The following VAPA variants were observed in gnomAD, a reference collection of about 807,000 sequenced individuals.
VAPA encodes the protein VAMP associated protein A.
A neutral mutation model predicts 25.6 loss-of-function variants in VAPA; 6 were observed. The ratio of observed to expected loss-of-function variants is 0.23; its 90% CI spans 0.13 to 0.46. The LOEUF (loss-of-function observed/expected upper bound fraction) is 0.46, where lower values mean the gene tolerates loss of function less well. Among genes scored for constraint, VAPA ranks in the 20% least tolerant of loss-of-function variants. The pLI is 0.99. For synonymous variants in VAPA, 112 were observed against 106.2 expected (o/e 1.05, Z -0.34); for missense variants, 244 against 302.1 (o/e 0.81, Z 1.43).
chr18:9,950,628 T>TA, intron 5 of VAPA, 60 bp downstream of exon 5: 1 of 1,547,816 alleles, frequency 6.5e-7, no homozygotes, highest in African/African-American at 1.4e-5. Flanking sequence ...ATGTGAGTGT[T>TA]ATTAGGCCAT....
chr18:9,945,450 C>T (rs2069413306), intron 4 of VAPA, among the ~76,000 whole-genome samples: 1 of 147,976 alleles, frequency 6.8e-6, no homozygotes, highest in Admixed American at 7.0e-5. Flanking sequence ...ACCTCTGCCT[C>T]CCCGGTTCAA....
intron 1 of VAPA, among the ~76,000 whole-genome samples, chr18:9,919,759 T>C (rs2069141342): frequency 6.6e-6 from 1 of 152,228 alleles, no homozygotes; most frequent in South Asian, 2.1e-4. Flanking sequence ...GTTTTTATCC[T>C]GAGCCACTAG....
intron 4 of VAPA, among the ~76,000 whole-genome samples, chr18:9,939,904 T>C (rs1320876803): frequency 2.6e-5 from 4 of 152,216 alleles, no homozygotes; most frequent in Non-Finnish European, 5.9e-5. Context: ...CAGTATGACC[T>C]AGGTCTGTTA....
intron 1 of VAPA, among the ~76,000 whole-genome samples, chr18:9,930,674 C>T (rs984146632): frequency 8.7e-4 from 131 of 150,944 alleles, no homozygotes; most frequent in African/African-American, 3.1e-3. Flanking sequence ...GAAGATCATA[C>T]TTTGTCATAT....
At chr18:9,950,298 T>C in intron 4 of VAPA, 97 bp from the exon 5 acceptor site, 1 of 1,387,364 alleles carries the variant, frequency 7.2e-7, no homozygotes, top group Non-Finnish European at 9.9e-7. Context: ...TTAAAGAGTT[T>C]TTCATGAACA....
chr18:9,944,857 C>T, intron 4 of VAPA: 1 of 1,554,464 alleles, frequency 6.4e-7, no homozygotes, highest in East Asian at 2.3e-5. Flanking sequence ...TCAGTCATTC[C>T]CAATATCATG....
intron 1 of VAPA, among the ~76,000 whole-genome samples, chr18:9,928,072 T>G (rs1264778374): frequency 6.6e-6 from 1 of 152,122 alleles, no homozygotes; most frequent in Non-Finnish European, 1.5e-5. Flanking sequence ...TATCAATACT[T>G]TTGATTAAAA....
intron 1 of VAPA, among the ~76,000 whole-genome samples, chr18:9,915,515 T>C (rs1428689482): frequency 1.3e-5 from 2 of 152,204 alleles, no homozygotes; most frequent in African/African-American, 4.8e-5. Flanking sequence ...TTCCTATCTT[T>C]AGTTAAGTGT....
chr18:9,921,520 A>T (rs955473376), intron 1 of VAPA, among the ~76,000 whole-genome samples: 1 of 152,228 alleles, frequency 6.6e-6, no homozygotes, highest in African/African-American at 2.4e-5. Context: ...TGTATATTTG[A>T]GGTATACATA....
At chr18:9,920,598 T>G (rs998084192) in intron 1 of VAPA, among the ~76,000 whole-genome samples, 1 of 152,218 alleles carries the variant, frequency 6.6e-6, no homozygotes, top group Non-Finnish European at 1.5e-5. Context: ...GTGCCCAGCC[T>G]CCTTTATTGT....
intron 4 of VAPA, among the ~76,000 whole-genome samples, chr18:9,938,545 A>G (rs919854932): frequency 2.0e-5 from 3 of 152,178 alleles, no homozygotes; most frequent in African/African-American, 7.2e-5. Context: ...ACAAATACTG[A>G]ATGGAGTTCC....
intron 2 of VAPA, among the ~76,000 whole-genome samples, chr18:9,932,284 C>G (rs533807513): frequency 1.3e-5 from 2 of 152,230 alleles, no homozygotes; most frequent in Admixed American, 6.5e-5. Context: ...ATGGGTCATT[C>G]TCCTTCAGAT....
Position 9,950,425 on chromosome 18 carries a change from C to G in VAPA, c.448C>G (p.Leu150Val). ...NDMEPSKAVP[L>V]NASKQDGPMP... Reference sequence around the variant, plus strand: ...TATGGAACCTAGCAAAGCTGTTCCACTGAATGCATCTAAGCAAGATGGACC... The same window carrying G: ...TATGGAACCTAGCAAAGCTGTTCCAGTGAATGCATCTAAGCAAGATGGACC... The change falls in exon 5 of 6, where the codon CTG (leucine) becomes GTG (valine). Residue 150 changes from leucine to valine, a missense_variant. Transcript: ENST00000400000. 6.2e-7 allele frequency: 1 copy of G among 1,613,856 alleles called. No individual in the cohort carries two copies. The highest frequency in any genetic ancestry group is 8.5e-7 in the Non-Finnish European group (1 of 1,179,952).
At chr18:9,919,958 A>C (rs1358701172) in intron 1 of VAPA, among the ~76,000 whole-genome samples, 1 of 152,140 alleles carries the variant, frequency 6.6e-6, no homozygotes, top group Non-Finnish European at 1.5e-5. Context: ...AGGTGATGAA[A>C]AGTTAGGTTG....
chr18:9,939,506 T>TA (rs2069344931), intron 4 of VAPA, among the ~76,000 whole-genome samples: 1 of 144,568 alleles, frequency 6.9e-6, no homozygotes. Flanking sequence ...CTTAGTTTGT[T>TA]ACGTTTCCTC....
intron 1 of VAPA, chr18:9,925,215 A>C (rs1196424544): frequency 2.0e-5 from 3 of 152,132 alleles, no homozygotes; most frequent in South Asian, 2.1e-4. Flanking sequence ...ATACATTCTG[A>C]AACTGTTGAT....
rs562067093 is a variant in VAPA, at chr18:9,954,423, A to G, written c.*212A>G. 33 of 475,352 alleles carry G rather than the reference A, an allele frequency of 6.9e-5. No individual in the cohort carries two copies. Among genetic ancestry groups the G allele is most frequent in the East Asian group, 6.6e-4 (19 of 28,992 alleles). 29.4% of individuals were successfully genotyped at this position (475,352 alleles called of 1,614,324 possible). On this transcript the variant is annotated 3_prime_UTR_variant, in exon 6 of 6. Transcript: ENST00000400000. ...TACTGGACAGGTTGTATATTACCAG[A>G]TCATCACTAGCAGATGTCAGTTGCA...
chr18:9,927,880 T>C (rs1277250276), intron 1 of VAPA, among the ~76,000 whole-genome samples: 1 of 152,118 alleles, frequency 6.6e-6, no homozygotes, highest in Non-Finnish European at 1.5e-5. Flanking sequence ...TGGGACAGAA[T>C]ACTTAGTGGC....
In VAPA at chr18:9,916,548, G is replaced by A. The variant is rs77962888; in HGVS notation, c.79+2213G>A. Among the ~76,000 whole-genome samples, 297 of 152,332 alleles carry A rather than the reference G, an allele frequency of 1.9e-3. 2 individuals carry two copies. Among genetic ancestry groups the A allele is most frequent in the Admixed American group, 0.014 (214 of 15,300 alleles). ...GCCCAATAGTTTGTTGTGTGTTTCA[G>A]TTTAAAGATGGAGATGATGGGGAGG... On this transcript the variant is annotated intron_variant, in intron 1 of 5. Coordinates refer to ENST00000400000, the MANE Select transcript of VAPA (RefSeq NM_194434.3).
Sources: gnomAD v4.1 joint callset for allele counts (sites outside exome capture counted in the v4.1 genomes callset) on GRCh38, gnomAD v4.1.1 for gene constraint, MANE v1.5 for transcripts, NCBI Gene and HGNC (gene_info 2026-07-23, HGNC 2026-07-21) for gene names.